UBR3: variants seen among roughly 807,000 people sequenced by gnomAD.
UBR3 encodes the protein ubiquitin protein ligase E3 component n-recognin 3, also known as E3 ubiquitin-protein ligase UBR3.
In UBR3, 85 loss-of-function variants were observed where a neutral mutation model predicts 243.2. That is an observed-to-expected ratio of 0.35 (90% CI 0.29 to 0.42). The LOEUF (loss-of-function observed/expected upper bound fraction) is 0.42, where lower values mean the gene tolerates loss of function less well. UBR3 is among the 10% of genes least tolerant of loss of function. The probability of loss-of-function intolerance (pLI) is 1.00; values close to 1 mark genes in which losing one functional copy is unlikely to be tolerated. For synonymous variants in UBR3, 748 were observed against 799.8 expected, an observed-to-expected ratio of 0.94 and a Z score of 1.09; for missense variants, 1,686 against 2,300.8, an observed-to-expected ratio of 0.73 and a Z score of 5.47.
chr2:170,016,787 A>G (rs1158440775), intron 30 of UBR3: 1 of 416,826 alleles, frequency 2.4e-6, no homozygotes, highest in East Asian at 1.4e-4. Context: ...CACTTTAATT[A>G]CCAGAGTCAA....
chr2:169,930,513 A>G (rs2086081383), intron 18 of UBR3, among the ~76,000 whole-genome samples: 2 of 151,824 alleles, frequency 1.3e-5, no homozygotes, highest in Non-Finnish European at 2.9e-5. Flanking sequence ...CAGCTTCCCC[A>G]GTAGCTGGGA....
chr2:169,907,161 C>T (rs746308254), intron 10 of UBR3, among the ~76,000 whole-genome samples: 2 of 151,300 alleles, frequency 1.3e-5, no homozygotes, highest in African/African-American at 2.4e-5. Context: ...CTGAGCCTCC[C>T]GAGTAGCTGG....
chr2:169,964,889 G>A, intron 24 of UBR3: 1 of 456,940 alleles, frequency 2.2e-6, no homozygotes, highest in Non-Finnish European at 4.4e-6. Context: ...AGCAAACAGA[G>A]GCAGTTCACA....
chr2:169,908,063 GC>G (rs2105335005), intron 10 of UBR3, among the ~76,000 whole-genome samples: 1 of 152,186 alleles, frequency 6.6e-6, no homozygotes, highest in East Asian at 1.9e-4. Flanking sequence ...CTCCCTCCAT[GC>G]CTTTATTGGA....
intron 30 of UBR3, among the ~76,000 whole-genome samples, chr2:170,027,243 C>T (rs946851509): frequency 2.8e-4 from 42 of 151,296 alleles, no homozygotes; most frequent in Admixed American, 9.9e-4. Flanking sequence ...AACTTACATA[C>T]TATAGATTTA....
intron 9 of UBR3, 24 bp downstream of exon 9, chr2:169,905,317 A>C: frequency 6.9e-7 from 1 of 1,439,940 alleles, no homozygotes; most frequent in Non-Finnish European, 9.1e-7. Flanking sequence ...CCCTTTGTTA[A>C]TTTTTTGGTT....
At chr2:170,079,630 A>G (rs1351705305) in intron 36 of UBR3, among the ~76,000 whole-genome samples, 184 bp from the exon 37 acceptor site, 1 of 152,234 alleles carries the variant, frequency 6.6e-6, no homozygotes, top group Non-Finnish European at 1.5e-5. Context: ...TACATTAGAT[A>G]ATGGTAACTG....
intron 24 of UBR3, among the ~76,000 whole-genome samples, chr2:169,980,182 A>G (rs1452358030): frequency 2.0e-5 from 3 of 152,260 alleles, no homozygotes; most frequent in Non-Finnish European, 4.4e-5. Context: ...TGAATGGCAG[A>G]TGATGAGAGC....
intron 23 of UBR3, among the ~76,000 whole-genome samples, chr2:169,956,680 C>T (rs770315747): frequency 6.6e-6 from 1 of 152,150 alleles, no homozygotes; most frequent in Non-Finnish European, 1.5e-5. Flanking sequence ...TGTAACTTCT[C>T]ATGGTAAAGT....
intron 5 of UBR3, among the ~76,000 whole-genome samples, chr2:169,882,949 GTA>G (rs2083949755): frequency 6.6e-6 from 1 of 152,142 alleles, no homozygotes; most frequent in Non-Finnish European, 1.5e-5. Context: ...CTAGTTAGTG[GTA>G]GAGTTGAAAT....
intron 19 of UBR3, among the ~76,000 whole-genome samples, chr2:169,940,207 A>C (rs1393849089): frequency 6.6e-6 from 1 of 152,160 alleles, no homozygotes; most frequent in African/African-American, 2.4e-5. Flanking sequence ...ATACATTATT[A>C]TTAACTATAA....
intron 32 of UBR3, among the ~76,000 whole-genome samples, chr2:170,050,173 A>C (rs2091184868): frequency 6.6e-6 from 1 of 152,136 alleles, no homozygotes; most frequent in Non-Finnish European, 1.5e-5. Flanking sequence ...TGGATTCTTC[A>C]CTCATCAGAG....
At position 170,029,390 on chromosome 2, in the gene UBR3, A is replaced by G; in HGVS notation, c.4498A>G (p.Ile1500Val). Residue 1500 changes from isoleucine to valine, a missense_variant, in exon 31 of 39, where the codon ATT becomes GTT. This residue lies in a region of UBR3 where 371 missense variants were observed against 422.5 expected (regional missense o/e 0.88). Transcript: ENST00000272793. ...AGCCTTGCACATGCGGCTTTATAGCATTGACTCTGAGTATAATCCCTGGAG... is the reference window on the plus strand; with the variant it reads ...AGCCTTGCACATGCGGCTTTATAGCGTTGACTCTGAGTATAATCCCTGGAG... ...VLALHMRLYS[I>V]DSEYNPWRKL... is the part of the protein sequence containing the mutation. The G allele has an allele frequency of 2.5e-6, 4 of 1,611,940 alleles. No homozygotes were observed. Among genetic ancestry groups the G allele is most frequent in the Non-Finnish European group, 2.5e-6 (3 of 1,178,794 alleles).
intron 19 of UBR3, among the ~76,000 whole-genome samples, chr2:169,941,318 C>T (rs1249841434): frequency 6.6e-6 from 1 of 152,118 alleles, no homozygotes. Context: ...CTATGTTTTT[C>T]TCCTACAATA....
chr2:169,855,805 C>G (rs1375585105), intron 1 of UBR3, among the ~76,000 whole-genome samples: 1 of 152,232 alleles, frequency 6.6e-6, no homozygotes, highest in Non-Finnish European at 1.5e-5. Context: ...CACTTCCCCA[C>G]TTTCTATTCG....
At chr2:169,851,664 G>A (rs922774251) in intron 1 of UBR3, among the ~76,000 whole-genome samples, 1 of 152,014 alleles carries the variant, frequency 6.6e-6, no homozygotes, top group South Asian at 2.1e-4. Flanking sequence ...AAGAGATCAA[G>A]ACCATCTTGG....
intron 25 of UBR3, among the ~76,000 whole-genome samples, chr2:169,991,737 G>A (rs185699792): frequency 2.3e-4 from 35 of 152,040 alleles, no homozygotes; most frequent in African/African-American, 8.0e-4. Flanking sequence ...CGCCCGCCAC[G>A]ATGCCTAGCT....
intron 24 of UBR3, among the ~76,000 whole-genome samples, chr2:169,982,473 T>G (rs576636436): frequency 6.6e-6 from 1 of 152,112 alleles, no homozygotes; most frequent in African/African-American, 2.4e-5. Flanking sequence ...TTAACAAATA[T>G]TAGAACAGGA....
intron 1 of UBR3, among the ~76,000 whole-genome samples, chr2:169,849,220 G>A (rs748867980): frequency 8.5e-5 from 13 of 152,116 alleles, no homozygotes; most frequent in Non-Finnish European, 1.8e-4. Flanking sequence ...CAGTCAAGAG[G>A]GCCCTGCACT....
Sources: allele counts gnomAD v4.1 joint callset (sites outside exome capture counted in the v4.1 genomes callset), GRCh38; gene constraint gnomAD v4.1.1; regional missense constraint gnomAD v4.1.1; transcripts MANE v1.5; gene names NCBI Gene and HGNC (gene_info 2026-07-23, HGNC 2026-07-21).